SLC4A4: variants seen among roughly 807,000 people sequenced by gnomAD.
SLC4A4 encodes the protein solute carrier family 4 member 4, also known as electrogenic sodium bicarbonate cotransporter 1.
In SLC4A4, 27 loss-of-function variants were observed where a neutral mutation model predicts 111.5. The observed-to-expected ratio is 0.24, with a 90% CI of 0.18 to 0.33. SLC4A4 has a LOEUF of 0.33. Among genes scored for constraint, SLC4A4 ranks in the 10% least tolerant of loss-of-function variants. SLC4A4 has a pLI of 1.00. For missense variants in SLC4A4, 909 were observed against 1,315.5 expected, an observed-to-expected ratio of 0.69 and a Z score of 4.78; for synonymous variants, 443 against 463.4, an observed-to-expected ratio of 0.96 and a Z score of 0.57.
In SLC4A4 at chr4:71,156,906, A is replaced by G. The variant is rs114990494; in HGVS notation, c.-2+64114A>G. 5.2e-3 allele frequency among the ~76,000 whole-genome samples: 799 copies of G among 152,230 alleles called. 4 individuals are homozygous for G. The highest frequency in any genetic ancestry group is 9.1e-3 in the Non-Finnish European group (618 of 68,010). On this transcript the variant is annotated intron_variant, in intron 2 of 26. Coordinates refer to the SLC4A4 transcript ENST00000649996. ...TATTCAGCTCATGCTTAGGAGTTTT[A>G]TTTTTACAAAGTGATTTACGATCAT...
chr4:71,067,930 G>A (rs1351693224), intron 1 of SLC4A4, among the ~76,000 whole-genome samples: 1 of 151,752 alleles, frequency 6.6e-6, no homozygotes, highest in African/African-American at 2.4e-5. Context: ...AAAAATTTTT[G>A]TAGAGATAGG....
chr4:71,123,332 A>G (rs1743483958), intron 2 of SLC4A4, among the ~76,000 whole-genome samples: 1 of 152,256 alleles, frequency 6.6e-6, no homozygotes, highest in African/African-American at 2.4e-5. Flanking sequence ...AGGGAAAAAG[A>G]AAGTTTCCAA....
chr4:71,488,098 A>G (rs1381194363), intron 15 of SLC4A4, among the ~76,000 whole-genome samples: 1 of 150,562 alleles, frequency 6.6e-6, no homozygotes, highest in East Asian at 2.0e-4. Flanking sequence ...AAAGAATTTT[A>G]TTCAAAATTC....
intron 11 of SLC4A4, 77 bp downstream of exon 11, chr4:71,451,378 AT>A (rs1308753630): frequency 1.1e-6 from 1 of 941,918 alleles, no homozygotes; most frequent in East Asian, 2.4e-5. Context: ...TCAACATATT[AT>A]TCACTAGTTT....
intron 2 of SLC4A4, among the ~76,000 whole-genome samples, chr4:71,239,981 TG>T (rs1720079527): frequency 1.3e-5 from 2 of 152,158 alleles, no homozygotes. Flanking sequence ...GGTCTGTAGA[TG>T]ACAAATTAAC....
At chr4:71,354,955 G>A (rs11944551) in intron 5 of SLC4A4, among the ~76,000 whole-genome samples, 19,232 of 152,148 alleles carry the variant, frequency 0.13, 1,535 homozygotes, top group African/African-American at 0.22. Context: ...TTTGAACACC[G>A]AAGGCTTAAT....
intron 1 of SLC4A4, among the ~76,000 whole-genome samples, chr4:71,204,542 C>A (rs1717628202): frequency 6.6e-6 from 1 of 152,126 alleles, no homozygotes; most frequent in Non-Finnish European, 1.5e-5. Flanking sequence ...GCCTGTTCAT[C>A]ATTTTGCAAT....
chr4:71,273,574 C>T (rs1722850948), intron 3 of SLC4A4, among the ~76,000 whole-genome samples: 3 of 152,116 alleles, frequency 2.0e-5, no homozygotes, highest in Admixed American at 2.0e-4. Flanking sequence ...TGATACGTTT[C>T]CTCACAAGGT....
At chr4:71,325,388 C>T (rs1431123270) in intron 3 of SLC4A4, among the ~76,000 whole-genome samples, 2 of 151,948 alleles carry the variant, frequency 1.3e-5, no homozygotes, top group African/African-American at 4.8e-5. Context: ...GCTCAGATTG[C>T]TTTAAAACAA....
chr4:71,120,047 A>AT (rs1016644854), intron 2 of SLC4A4, among the ~76,000 whole-genome samples: 2 of 151,926 alleles, frequency 1.3e-5, no homozygotes, highest in South Asian at 2.1e-4. Context: ...AACATAGTGA[A>AT]TTTTTTTATC....
chr4:71,531,748 C>T (rs1578126495), intron 16 of SLC4A4, among the ~76,000 whole-genome samples: 1 of 129,996 alleles, frequency 7.7e-6, no homozygotes, highest in East Asian at 2.4e-4. Context: ...GATTGCCCTC[C>T]CTGCCTACAC....
intron 21 of SLC4A4, among the ~76,000 whole-genome samples, chr4:71,556,206 G>A (rs1207200382): frequency 6.6e-6 from 1 of 151,946 alleles, no homozygotes; most frequent in Non-Finnish European, 1.5e-5. Context: ...GGTCTGCTGA[G>A]TAGAGTTCGT....
At chr4:71,330,532 T>C (rs1407034688) in intron 3 of SLC4A4, among the ~76,000 whole-genome samples, 1 of 152,204 alleles carries the variant, frequency 6.6e-6, no homozygotes, top group Admixed American at 6.5e-5. Flanking sequence ...GCTAGCCATA[T>C]GTAGAAAGCT....
At chr4:71,318,655 T>C (rs1726882279) in intron 3 of SLC4A4, among the ~76,000 whole-genome samples, 1 of 152,008 alleles carries the variant, frequency 6.6e-6, no homozygotes, top group East Asian at 1.9e-4. Flanking sequence ...TGGTGTGTTT[T>C]AAAGTAGGAT....
At chr4:71,489,865 G>C (rs1251556092) in intron 15 of SLC4A4, among the ~76,000 whole-genome samples, 2 of 151,752 alleles carry the variant, frequency 1.3e-5, no homozygotes, top group Non-Finnish European at 2.9e-5. Context: ...TCAGATGAAG[G>C]AAGGTCTTTT....
chr4:71,129,609 T>C (rs1039043117), intron 2 of SLC4A4, among the ~76,000 whole-genome samples: 2 of 152,130 alleles, frequency 1.3e-5, no homozygotes, highest in Non-Finnish European at 2.9e-5. Context: ...GTAATCCCAT[T>C]ATTGAGTGTA....
intron 4 of SLC4A4, among the ~76,000 whole-genome samples, chr4:71,347,752 G>T (rs1042593943): frequency 2.0e-5 from 3 of 152,060 alleles, no homozygotes; most frequent in African/African-American, 7.2e-5. Context: ...GATAGAAGTG[G>T]GGGCTCATTT....
intron 12 of SLC4A4, 53 bp downstream of exon 12, chr4:71,453,722 C>T (rs2149080565): frequency 1.3e-6 from 2 of 1,537,020 alleles, no homozygotes; most frequent in Non-Finnish European, 1.8e-6. Context: ...TTGCCTTCCT[C>T]ACCCCTACAG....
chr4:71,139,429 T>A (rs969355899), intron 2 of SLC4A4, among the ~76,000 whole-genome samples: 7 of 152,182 alleles, frequency 4.6e-5, no homozygotes, highest in African/African-American at 1.7e-4. Context: ...GTTTTCACAC[T>A]AGAACCCTGG....
Sources: gnomAD v4.1 joint callset for allele counts (sites outside exome capture counted in the v4.1 genomes callset) on GRCh38, gnomAD v4.1.1 for gene constraint, MANE v1.5 for transcripts, NCBI Gene and HGNC (gene_info 2026-07-23, HGNC 2026-07-21) for gene names.